NAV2: variants seen among roughly 807,000 people sequenced by gnomAD.
NAV2 encodes the protein helicase, APC down-regulated 1.
Under a neutral mutation model 223.2 loss-of-function variants are expected in NAV2, and 54 were observed. The ratio of observed to expected loss-of-function variants is 0.24; its 90% confidence interval spans 0.19 to 0.30. NAV2 has a LOEUF of 0.30. Ranked by LOEUF, NAV2 falls within the 10% of genes least tolerant of loss-of-function variation. NAV2 has a pLI of 1.00. For synonymous variants in NAV2, 1,279 were observed against 1,239.3 expected, an observed-to-expected ratio of 1.03 and a Z score of -0.67; for missense variants, 2,806 against 3,147.5, an observed-to-expected ratio of 0.89 and a Z score of 2.60.
chr11:19,876,614 C>T (rs999132730), intron 4 of NAV2, among the ~76,000 whole-genome samples: 5 of 152,072 alleles, frequency 3.3e-5, no homozygotes, highest in Admixed American at 1.3e-4. Flanking sequence ...GAACAATGGC[C>T]ATTCTGATCA....
intron 1 of NAV2, among the ~76,000 whole-genome samples, chr11:19,698,564 G>A (rs1257157327): frequency 6.6e-6 from 1 of 152,240 alleles, no homozygotes; most frequent in African/African-American, 2.4e-5. Flanking sequence ...CCACAGAGCA[G>A]AGGTGAAAAG....
chr11:20,035,533 C>G (rs1320129901), intron 11 of NAV2, among the ~76,000 whole-genome samples: 1 of 152,180 alleles, frequency 6.6e-6, no homozygotes, highest in Non-Finnish European at 1.5e-5. Flanking sequence ...AGAAGTCATA[C>G]AGCAGCTCTG....
Position 19,495,608 on chromosome 11 carries a change from G to A in NAV2, c.75+144581G>A, listed in dbSNP as rs145271873. ...TCCATTCATTCAGCAAGCATTTATT[G>A]AGCATCTCCTGTGTTCCAGGATTTA... On this transcript the variant is annotated intron_variant, in intron 1 of 37. Transcript: ENST00000360655. 6.6e-4 allele frequency among the ~76,000 whole-genome samples: 101 copies of A among 152,252 alleles called. No individual in the cohort carries two copies. In the East Asian group the frequency reaches 0.019, roughly 28 times the overall value.
At chr11:19,598,682 G>C (rs2046275491) in intron 1 of NAV2, among the ~76,000 whole-genome samples, 1 of 152,250 alleles carries the variant, frequency 6.6e-6, no homozygotes, top group Middle Eastern at 3.4e-3. Context: ...GAATTTGCCC[G>C]AGGTCACCCA....
At chr11:19,394,714 C>T (rs1849381758) in intron 1 of NAV2, among the ~76,000 whole-genome samples, 1 of 152,286 alleles carries the variant, frequency 6.6e-6, no homozygotes, top group South Asian at 2.1e-4. Flanking sequence ...ATGAGTGAAA[C>T]AGGAGAGAAG....
chr11:19,475,425 G>C (rs2042086164), intron 1 of NAV2, among the ~76,000 whole-genome samples: 1 of 152,176 alleles, frequency 6.6e-6, no homozygotes, highest in Non-Finnish European at 1.5e-5. Context: ...CCCATAAATA[G>C]AGAGTTTAAA....
chr11:20,044,429 A>G, intron 13 of NAV2, 157 bp downstream of exon 13: 1 of 681,194 alleles, frequency 1.5e-6, no homozygotes, highest in South Asian at 2.1e-5. Context: ...ACCTTTTTCT[A>G]AGTGGAAATA....
intron 1 of NAV2, among the ~76,000 whole-genome samples, chr11:19,609,141 G>T (rs2046561545): frequency 6.6e-6 from 1 of 152,152 alleles, no homozygotes; most frequent in South Asian, 2.1e-4. Context: ...GAGGGGATTG[G>T]GTCGCAGACA....
chr11:20,106,143 A>ATGTG lies in NAV2; in HGVS notation c.6841+426_6841+429dup, dbSNP rs377360217. Among the ~76,000 whole-genome samples, 596 of 68,648 alleles carry ATGTG rather than the reference A, an allele frequency of 8.7e-3. 20 individuals carry two copies. The highest frequency in any genetic ancestry group is 0.029 in the Middle Eastern group (3 of 104). 45.0% of individuals were successfully genotyped at this position (68,648 alleles called of 152,430 possible). On this transcript the variant is annotated intron_variant, in intron 35 of 37. Coordinates refer to ENST00000349880, the MANE Select transcript of NAV2 (RefSeq NM_145117.5). ...GCTTAGTTTTTCTGTCCTTGTTCATATGTGTGTGTGTGTATATATATATAT... is the reference window on the plus strand; with the variant it reads ...GCTTAGTTTTTCTGTCCTTGTTCATATGTGTGTGTGTGTGTGTATATATATATAT...
At chr11:19,550,627 A>G (rs866226593) in intron 1 of NAV2, among the ~76,000 whole-genome samples, 1 of 152,218 alleles carries the variant, frequency 6.6e-6, no homozygotes, top group African/African-American at 2.4e-5. Flanking sequence ...ACCTCTTCAG[A>G]TGCTCAATGA....
intron 1 of NAV2, among the ~76,000 whole-genome samples, chr11:19,646,356 C>G (rs1433890905): frequency 6.6e-6 from 1 of 152,196 alleles, no homozygotes; most frequent in Non-Finnish European, 1.5e-5. Context: ...GATGGGAGCT[C>G]TATTTCATTT....
chr11:19,515,572 T>G (rs1308340317), intron 1 of NAV2, among the ~76,000 whole-genome samples: 1 of 152,248 alleles, frequency 6.6e-6, no homozygotes, highest in African/African-American at 2.4e-5. Context: ...TTTCACTTTG[T>G]AATTTCATGT....
intron 4 of NAV2, among the ~76,000 whole-genome samples, chr11:19,872,561 A>C (rs188473726): frequency 1.1e-4 from 16 of 152,378 alleles, no homozygotes; most frequent in African/African-American, 3.8e-4. Flanking sequence ...TTTGAAGATG[A>C]CTGAGTGCCC....
chr11:19,789,401 G>C (rs915558711), intron 1 of NAV2, among the ~76,000 whole-genome samples: 4 of 152,150 alleles, frequency 2.6e-5, no homozygotes, highest in African/African-American at 7.2e-5. Context: ...AGGGAGAGAA[G>C]GTTTGATTCT....
chr11:19,673,784 T>C (rs2048635875), intron 1 of NAV2, among the ~76,000 whole-genome samples: 1 of 152,138 alleles, frequency 6.6e-6, no homozygotes, highest in South Asian at 2.1e-4. Flanking sequence ...CTAGGCACAG[T>C]AGTGAATGTG....
chr11:20,040,166 C>T (rs1000312388), intron 12 of NAV2, among the ~76,000 whole-genome samples: 5 of 152,126 alleles, frequency 3.3e-5, no homozygotes, highest in African/African-American at 9.7e-5. Context: ...TAAACTTGAG[C>T]CAGCTCAGCA....
At chr11:20,058,013 A>T (rs1163914627) in intron 19 of NAV2, among the ~76,000 whole-genome samples, 1 of 152,260 alleles carries the variant, frequency 6.6e-6, no homozygotes, top group Non-Finnish European at 1.5e-5. Flanking sequence ...CTGTGAATAC[A>T]TAACATTATC....
At chr11:20,000,579 A>G (rs1022569858) in intron 11 of NAV2, among the ~76,000 whole-genome samples, 1 of 152,184 alleles carries the variant, frequency 6.6e-6, no homozygotes, top group African/African-American at 2.4e-5. Flanking sequence ...GAAACCTCCC[A>G]GAGGGCTGCG....
At chr11:19,652,003 A>G (rs2047982984) in intron 1 of NAV2, among the ~76,000 whole-genome samples, 1 of 152,238 alleles carries the variant, frequency 6.6e-6, no homozygotes, top group Non-Finnish European at 1.5e-5. Flanking sequence ...GTGACAGCGT[A>G]AGAAAGCTGT....
Sources: allele counts gnomAD v4.1 joint callset (sites outside exome capture counted in the v4.1 genomes callset), GRCh38; gene constraint gnomAD v4.1.1; transcripts MANE v1.5; gene names NCBI Gene and HGNC (gene_info 2026-07-23, HGNC 2026-07-21).